The following PTGER3 variants were observed in gnomAD, a reference collection of about 807,000 sequenced individuals.
The protein encoded by PTGER3 is prostaglandin E2 receptor EP3 subtype.
In PTGER3, 22 loss-of-function variants were observed where a neutral mutation model predicts 34.7. The ratio of observed to expected loss-of-function variants is 0.63; its 90% confidence interval spans 0.45 to 0.91. The LOEUF (loss-of-function observed/expected upper bound fraction) is 0.91. Ranked by LOEUF, PTGER3 falls within the 40% of genes least tolerant of loss-of-function variation. The pLI is 0.00. For synonymous variants in PTGER3, 241 were observed against 230.1 expected, an observed-to-expected ratio of 1.05 and a Z score of -0.43; for missense variants, 468 against 519.4, an observed-to-expected ratio of 0.90 and a Z score of 0.96.
chr1:70,961,072 G>A (rs570735074), intron 2 of PTGER3, among the ~76,000 whole-genome samples: 18 of 148,530 alleles, frequency 1.2e-4, no homozygotes. Flanking sequence ...TGATGCTGCT[G>A]ATCTGGGGGC....
chr1:70,916,881 T>A (rs1321061729), intron 4 of PTGER3, among the ~76,000 whole-genome samples: 6 of 151,998 alleles, frequency 3.9e-5, no homozygotes, highest in African/African-American at 9.7e-5. Context: ...GTTTGGATAT[T>A]AATATGACTT....
intron 1 of PTGER3, among the ~76,000 whole-genome samples, chr1:71,014,434 AC>A (rs755741036): frequency 1.1e-4 from 16 of 152,304 alleles, no homozygotes; most frequent in Non-Finnish European, 2.1e-4. Flanking sequence ...TATGGTAATA[AC>A]AGACACCCAG....
intron 2 of PTGER3, among the ~76,000 whole-genome samples, chr1:70,959,569 G>A (rs912083636): frequency 2.0e-5 from 3 of 151,954 alleles, no homozygotes; most frequent in African/African-American, 4.8e-5. Flanking sequence ...CCATATTGGC[G>A]AGGCTGGTTT....
rs113911062 is a variant in PTGER3 at position 70,862,029 on chromosome 1, G to A, written c.*24-9170C>T. On this transcript the variant is annotated intron_variant, in intron 4 of 4. Transcript: ENST00000370931. Reference sequence around the variant, plus strand: ...GTAGTTGTTTAATCAATGAAAAGTGGATGATTGAGAATAATTGAATAAAAC... The same window carrying A: ...GTAGTTGTTTAATCAATGAAAAGTGAATGATTGAGAATAATTGAATAAAAC... 1.7e-3 allele frequency among the ~76,000 whole-genome samples: 262 copies of A among 151,854 alleles called. 2 individuals carry two copies. Among genetic ancestry groups the A allele is most frequent in the African/African-American group, 5.7e-3 (238 of 41,404 alleles).
intron 4 of PTGER3, among the ~76,000 whole-genome samples, chr1:70,861,445 C>A (rs1251258857): frequency 1.3e-5 from 2 of 152,152 alleles, no homozygotes; most frequent in Non-Finnish European, 2.9e-5. Context: ...ACACCTGCAA[C>A]AACCTGCAAC....
chr1:70,914,224 G>A (rs1647124863), intron 4 of PTGER3, among the ~76,000 whole-genome samples: 1 of 151,888 alleles, frequency 6.6e-6, no homozygotes, highest in Non-Finnish European at 1.5e-5. Flanking sequence ...TGTGAAGGAT[G>A]AGTTGTGTTT....
At chr1:70,876,768 T>C (rs2100570885) in intron 4 of PTGER3, among the ~76,000 whole-genome samples, 1 of 152,242 alleles carries the variant, frequency 6.6e-6, no homozygotes, top group South Asian at 2.1e-4. Flanking sequence ...TGCCTGTAGG[T>C]CTGTGGCTTT....
rs770550273 is a variant in PTGER3, at chr1:71,046,773, A to T, written c.805T>A (p.Ser269Thr). The T allele has an allele frequency of 2.5e-6, 4 of 1,613,960 alleles. No homozygotes were observed. In the South Asian group the frequency reaches 3.3e-5, roughly 13 times the overall value. The change falls in exon 1 of 4, where the codon TCC (serine) becomes ACC (threonine). Residue 269 changes from serine (S) to threonine (T), a missense_variant. By Grantham distance (58) the Ser-to-Thr change is moderately conservative (BLOSUM62 1). This residue lies in a region of PTGER3 where 204 missense variants were observed against 230.8 expected (regional missense o/e 0.88). Coordinates refer to ENST00000306666, the MANE Select transcript of PTGER3 (RefSeq NM_198719.2). ...RCRAKATASQSSAQWGRITTE... is the reference protein window; with the variant it reads ...RCRAKATASQTSAQWGRITTE... Reference sequence around the variant, plus strand: ...GTGATGCGGCCCCACTGGGCACTGGACTGAGATGCCGTGGCCTTGGCCCGG... The same window carrying T: ...GTGATGCGGCCCCACTGGGCACTGGTCTGAGATGCCGTGGCCTTGGCCCGG...
At chr1:71,035,219 A>G (rs1659719588) in intron 1 of PTGER3, among the ~76,000 whole-genome samples, 1 of 152,274 alleles carries the variant, frequency 6.6e-6, no homozygotes, top group Non-Finnish European at 1.5e-5. Context: ...AATATAGAAC[A>G]GTATAGAAAA....
chr1:70,870,725 C>A (rs1415260937), intron 4 of PTGER3, among the ~76,000 whole-genome samples: 2 of 152,168 alleles, frequency 1.3e-5, no homozygotes, highest in African/African-American at 4.8e-5. Context: ...CCACAGATTC[C>A]TAAGGCATGG....
chr1:70,971,662 A>G lies in PTGER3; in HGVS notation c.*68T>C. ...ATTAAAATATATAATTATCCTTCTCAGGTGGGAAGAAATATGCAAATTCAG... is the reference window on the plus strand; with the variant it reads ...ATTAAAATATATAATTATCCTTCTCGGGTGGGAAGAAATATGCAAATTCAG... On this transcript the variant is annotated 3_prime_UTR_variant, in exon 4 of 4. Transcript: ENST00000306666. 6.6e-7 allele frequency: 1 copy of G among 1,523,432 alleles called. No individual in the cohort carries two copies. The highest frequency in any genetic ancestry group is 8.8e-7 in the Non-Finnish European group (1 of 1,138,816). The allele number at this position is 1,523,432 out of a possible 1,614,324, so 94.4% of individuals were successfully genotyped here. A position where few individuals can be genotyped will look rare whatever the true frequency, so the allele number is the denominator to read the frequency against.
chr1:70,888,326 G>C (rs1646542179), intron 4 of PTGER3, among the ~76,000 whole-genome samples: 1 of 152,134 alleles, frequency 6.6e-6, no homozygotes, highest in Non-Finnish European at 1.5e-5. Context: ...GGTTAGGGAA[G>C]TTCAGGAACA....
intron 4 of PTGER3, among the ~76,000 whole-genome samples, chr1:70,929,049 A>T (rs1648440462): frequency 6.6e-6 from 1 of 152,160 alleles, no homozygotes; most frequent in East Asian, 1.9e-4. Context: ...TCCGTTTCTC[A>T]GGACAGCTGC....
intron 2 of PTGER3, among the ~76,000 whole-genome samples, chr1:70,976,206 C>T (rs560668775): frequency 5.9e-5 from 9 of 152,024 alleles, no homozygotes; most frequent in African/African-American, 9.6e-5. Flanking sequence ...GTGGCACTGT[C>T]TGTGGAGCAC....
chr1:70,977,452 T>G (rs3819790), intron 2 of PTGER3, among the ~76,000 whole-genome samples: 33,051 of 151,852 alleles, frequency 0.22, 3,708 homozygotes, highest in Middle Eastern at 0.28. Flanking sequence ...TCATTAATAG[T>G]TCTTTCTGCT....
chr1:70,988,394 G>A (rs1344041027), intron 2 of PTGER3, among the ~76,000 whole-genome samples: 1 of 152,132 alleles, frequency 6.6e-6, no homozygotes, highest in Non-Finnish European at 1.5e-5. Context: ...GGTGGATACC[G>A]ACTAAAACAC....
chr1:70,902,522 T>G (rs17131488), intron 4 of PTGER3, among the ~76,000 whole-genome samples: 7,234 of 152,242 alleles, frequency 0.048, 555 homozygotes, highest in South Asian at 0.22. Context: ...GGTCACACTG[T>G]GATAAGTGCT....
chr1:70,935,797 G>C (rs1426018018), intron 4 of PTGER3, among the ~76,000 whole-genome samples: 2 of 151,696 alleles, frequency 1.3e-5, no homozygotes, highest in Non-Finnish European at 2.9e-5. Flanking sequence ...ATTGGGATGG[G>C]TGGAGATTTC....
chr1:71,038,407 G>A (rs1023665012), intron 1 of PTGER3, among the ~76,000 whole-genome samples: 2 of 152,136 alleles, frequency 1.3e-5, no homozygotes, highest in African/African-American at 2.4e-5. Context: ...ATGGTATCTG[G>A]TGGAGAATTT....
Sources: gnomAD v4.1 joint callset for allele counts (sites outside exome capture counted in the v4.1 genomes callset) on GRCh38, gnomAD v4.1.1 for gene constraint, gnomAD v4.1.1 regional missense constraint, MANE v1.5 for transcripts, NCBI Gene and HGNC (gene_info 2026-07-23, HGNC 2026-07-21) for gene names.